Variants in GOLGA6C observed in about 807,000 individuals in gnomAD.
GOLGA6C encodes golgin A6 family member C.
Under a neutral mutation model 57.5 loss-of-function variants are expected in GOLGA6C, and 3 were observed. That is an observed-to-expected ratio of 0.05 (90% CI 0.02 to 0.13). The LOEUF (loss-of-function observed/expected upper bound fraction) is 0.13, where lower values mean the gene tolerates loss of function less well. Ranked by LOEUF, GOLGA6C falls within the 10% of genes least tolerant of loss-of-function variation. The pLI, the probability that GOLGA6C is intolerant of heterozygous loss-of-function variation, is 1.00. For synonymous variants in GOLGA6C, 32 were observed against 203.8 expected (o/e 0.16, Z 7.18); for missense variants, 88 against 525.6 (o/e 0.17, Z 8.14).
rs1240378821 is a variant in GOLGA6C, at chr15:75,270,373, G to A, written c.*174G>A. On this transcript the variant is annotated 3_prime_UTR_variant, in exon 18 of 18. Coordinates refer to ENST00000300576, the MANE Select transcript of GOLGA6C (RefSeq NM_001164404.2). The stretch of plus-strand genomic sequence containing the variant: ...ATTCATTTACTCCATTTGAATGCTA[G>A]AGCCACTCACATTTATTTGTGTTTC... 2.8e-5 allele frequency among the ~76,000 whole-genome samples: 4 copies of A among 143,072 alleles called. 1 individual carries two copies. The highest frequency in any genetic ancestry group is 1.1e-4 in the African/African-American group (4 of 36,806). 93.9% of individuals were successfully genotyped at this position (143,072 alleles called of 152,430 possible).
intron 1 of GOLGA6C, among the ~76,000 whole-genome samples, chr15:75,259,125 C>T (rs541674583): frequency 6.6e-6 from 1 of 152,182 alleles, no homozygotes; most frequent in African/African-American, 2.4e-5. Flanking sequence ...CAAGCCCGAC[C>T]TCCCTGGGCT....
At chr15:75,259,241 CAGG>C (rs1213068630) in intron 1 of GOLGA6C, among the ~76,000 whole-genome samples, 7 of 147,896 alleles carry the variant, frequency 4.7e-5, no homozygotes, top group African/African-American at 1.5e-4. Context: ...CCCCCACCCC[CAGG>C]AGGAGTGGAA....
chr15:75,260,750 C>T lies in GOLGA6C; in HGVS notation c.204+258C>T, dbSNP rs112758165. ...TTATTGTTGTTGTTTTCATGTTAAC[C>T]CCTAGTACGTGGCCTGCTGTAAACA... is the stretch of plus-strand genomic sequence containing the variant. On this transcript the variant is annotated intron_variant, in intron 2 of 17. Coordinates refer to ENST00000300576, the MANE Select transcript of GOLGA6C (RefSeq NM_001164404.2). Among the ~76,000 whole-genome samples the T allele has an allele frequency of 2.6e-3, 377 of 145,114 alleles. 1 individual carries two copies. The highest frequency in any genetic ancestry group is 9.3e-3 in the African/African-American group (358 of 38,550).
intron 1 of GOLGA6C, 48 bp downstream of exon 1, chr15:75,258,730 C>T (rs2070718929): frequency 7.2e-6 from 4 of 553,498 alleles, no homozygotes; most frequent in Non-Finnish European, 1.0e-5. Flanking sequence ...AGCCAGAGAT[C>T]CCCTCTGATG....
rs2070799898 is a variant in GOLGA6C, at chr15:75,273,330, G to A, written c.*3131G>A. ...AGTTTTCTTAGAATGACTTTTACCA[G>A]TTTATGAATTCTTGTAAACAGAATG... On this transcript the variant is annotated 3_prime_UTR_variant, in exon 18 of 18. Transcript: ENST00000300576. Among the ~76,000 whole-genome samples, 3 of 151,898 alleles carry A rather than the reference G, an allele frequency of 2.0e-5. No homozygotes were observed. Among genetic ancestry groups the A allele is most frequent in the Non-Finnish European group, 2.9e-5 (2 of 68,024 alleles).
rs1234520591 is a variant in GOLGA6C, at chr15:75,273,368, A to G, written c.*3169A>G. Reference sequence around the variant, plus strand: ...TGTAAACAGAATGTATAATAGAAATACTGAAACACTGTTGCCTAAAGTGGC... The same window carrying G: ...TGTAAACAGAATGTATAATAGAAATGCTGAAACACTGTTGCCTAAAGTGGC... On this transcript the variant is annotated 3_prime_UTR_variant, in exon 18 of 18. Transcript: ENST00000300576. Among the ~76,000 whole-genome samples the G allele has an allele frequency of 6.6e-6, 1 of 152,152 alleles. No homozygotes were observed. The highest frequency in any genetic ancestry group is 2.4e-5 in the African/African-American group (1 of 41,410).
chr15:75,261,825 T>TA, intron 2 of GOLGA6C, among the ~76,000 whole-genome samples: 1 of 41,498 alleles, frequency 2.4e-5, no homozygotes. Context: ...TTTTTTTTTT[T>TA]TTTTTTTTTG....
rs375268422 is a variant in GOLGA6C at position 75,272,561 on chromosome 15, C to A, written c.*2362C>A. On this transcript the variant is annotated 3_prime_UTR_variant, in exon 18 of 18. Coordinates refer to ENST00000300576, the MANE Select transcript of GOLGA6C (RefSeq NM_001164404.2). ...ATAAATGACTAGGAATGATCTTCAG[C>A]TAGCCTTTAGCACCTGCAACCAATC... Among the ~76,000 whole-genome samples, 520 of 148,488 alleles carry A rather than the reference C, an allele frequency of 3.5e-3. No individual in the cohort carries two copies. The highest frequency in any genetic ancestry group is 0.022 in the East Asian group (96 of 4,440).
chr15:75,261,811 CTTTTTTTTT>C (rs1202553749), intron 2 of GOLGA6C, among the ~76,000 whole-genome samples: 2 of 35,376 alleles, frequency 5.7e-5, no homozygotes, highest in African/African-American at 1.8e-4. Flanking sequence ...GATTTGGGCT[CTTTTTTTTT>C]TTTTTTTTTT....
intron 2 of GOLGA6C, among the ~76,000 whole-genome samples, 174 bp downstream of exon 2, chr15:75,260,666 A>G (rs558144222): frequency 2.0e-5 from 3 of 150,006 alleles, no homozygotes; most frequent in Admixed American, 2.0e-4. Context: ...CTCTTTTCAC[A>G]TCTGTGAAAT....
chr15:75,258,769 T>G (rs2070719150), intron 1 of GOLGA6C, 87 bp downstream of exon 1: 1 of 620,374 alleles, frequency 1.6e-6, no homozygotes, highest in African/African-American at 1.9e-5. Flanking sequence ...TCCATACCAC[T>G]CCTGAGGCAC....
Position 75,273,226 on chromosome 15 carries a change from T to C in GOLGA6C, c.*3027T>C, listed in dbSNP as rs879234390. Among the ~76,000 whole-genome samples the C allele has an allele frequency of 6.4e-4, 98 of 152,040 alleles. No homozygotes were observed. The South Asian group carries it at 0.013, about 20-fold the overall frequency. The stretch of plus-strand genomic sequence containing the variant: ...TTAAAACACTTTAAAATATGAATAC[T>C]GTAGTTTGAAAGAAAGAAACTGGGG... On this transcript the variant is annotated 3_prime_UTR_variant, in exon 18 of 18. Coordinates refer to ENST00000300576, the MANE Select transcript of GOLGA6C (RefSeq NM_001164404.2).
rs572178381 is a variant in GOLGA6C at position 75,258,802 on chromosome 15, C to T, written c.84+120C>T. On this transcript the variant is annotated intron_variant, in intron 1 of 17. Transcript: ENST00000300576. ...CACACCGGGCTGGGCCCCCCTACCC[C>T]GGCGCCTCTGGGCTCCCCCCACCAA... 84 of 761,422 alleles carry T rather than the reference C, an allele frequency of 1.1e-4. No individual in the cohort carries two copies. The African/African-American group carries it at 1.1e-3, about 10-fold the overall frequency. 47.2% of individuals were successfully genotyped at this position (761,422 alleles called of 1,614,324 possible). A position where few individuals can be genotyped will look rare whatever the true frequency, so the allele number is the denominator to read the frequency against.
chr15:75,260,528 G>C (rs2141629651), intron 2 of GOLGA6C, 36 bp downstream of exon 2: 1 of 1,250,250 alleles, frequency 8.0e-7, no homozygotes, highest in Admixed American at 2.1e-5. Context: ...GGGGACAGGG[G>C]GCCCAAGGGG....
Position 75,265,074 on chromosome 15 carries a change from C to T in GOLGA6C, c.565-48C>T. The T allele has an allele frequency of 3.7e-6, 6 of 1,604,106 alleles. No individual in the cohort carries two copies. In the South Asian group the frequency reaches 6.6e-5, roughly 18 times the overall value. On this transcript the variant is annotated intron_variant, in intron 7 of 17. Transcript: ENST00000300576. ...GCCTAGCCCTAGCCCTTTTAAGGGG[C>T]ACTGCCCGGGCTCCCCAGATCAAAA... is the stretch of plus-strand genomic sequence containing the variant.
Position 75,270,141 on chromosome 15 carries a change from A to G in GOLGA6C, c.2024A>G (p.His675Arg). The change falls in exon 18 of 18, where the codon CAT becomes CGT. Residue 675 changes from histidine (H) to arginine (R), a missense_variant. Coordinates refer to ENST00000300576, the MANE Select transcript of GOLGA6C (RefSeq NM_001164404.2). ...GGAGCGGCCAGGGAGGGTTCTCCCC[A>G]TGACAACCCCCCGGTACAGCAGATC... ...APGAAREGSP[H>R]DNPPVQQIVQ... is the part of the protein sequence containing the mutation. 1.3e-6 allele frequency: 2 copies of G among 1,593,170 alleles called. No individual in the cohort carries two copies. Among genetic ancestry groups the G allele is most frequent in the Non-Finnish European group, 1.7e-6 (2 of 1,174,550 alleles).
At chr15:75,258,725 G>T in intron 1 of GOLGA6C, 43 bp downstream of exon 1, 1 of 551,754 alleles carries the variant, frequency 1.8e-6, no homozygotes, top group Admixed American at 3.1e-5. Flanking sequence ...AACCTAGCCA[G>T]AGATCCCCTC....
rs368165570 is a variant in GOLGA6C, at chr15:75,264,439, GGTGTGTGTGTGTGT to G, written c.564+381_564+394del. ...ACCATTTCTGTAGAGAGAGGAAAGGGGTGTGTGTGTGTGTGTGTGTGTGTGTGTGTGTGTGTGTA... is the reference window on the plus strand; with the variant it reads ...ACCATTTCTGTAGAGAGAGGAAAGGGGTGTGTGTGTGTGTGTGTGTGTGTA... On this transcript the variant is annotated intron_variant, in intron 7 of 17. Transcript: ENST00000300576. Among the ~76,000 whole-genome samples, 6 of 117,274 alleles carry G rather than the reference GGTGTGTGTGTGTGT, an allele frequency of 5.1e-5. No homozygotes were observed. In the East Asian group the frequency reaches 1.3e-3, roughly 25 times the overall value. The allele number at this position is 117,274 out of a possible 152,430, so 76.9% of individuals were successfully genotyped here.
intron 14 of GOLGA6C, among the ~76,000 whole-genome samples, 155 bp from the exon 15 acceptor site, chr15:75,269,298 G>A (rs1216747630): frequency 7.0e-6 from 1 of 143,014 alleles, no homozygotes; most frequent in Non-Finnish European, 1.5e-5. Context: ...CCCCAGGGAG[G>A]ACTGGAGATG....
Sources: allele counts gnomAD v4.1 joint callset (sites outside exome capture counted in the v4.1 genomes callset), GRCh38; gene constraint gnomAD v4.1.1; transcripts MANE v1.5; gene names NCBI Gene and HGNC (gene_info 2026-07-23, HGNC 2026-07-21).